The following TRAM1 variants were observed in gnomAD, a reference collection of about 807,000 sequenced individuals.
TRAM1 encodes the protein translocation associated membrane protein 1.
Under a neutral mutation model 48.7 loss-of-function variants are expected in TRAM1, and 17 were observed. That is an observed-to-expected ratio of 0.35 (90% confidence interval 0.24 to 0.52). The LOEUF is 0.52. Ranked by LOEUF, TRAM1 falls within the 20% of genes least tolerant of loss-of-function variation. TRAM1 has a pLI of 0.94. For synonymous variants in TRAM1, 182 were observed against 154.0 expected, an observed-to-expected ratio of 1.18 and a Z score of -1.34; for missense variants, 351 against 441.5, an observed-to-expected ratio of 0.79 and a Z score of 1.84.
At chr8:70,601,519 G>GT (rs1278882713) in intron 1 of TRAM1, among the ~76,000 whole-genome samples, 1 of 152,168 alleles carries the variant, frequency 6.6e-6, no homozygotes, top group Non-Finnish European at 1.5e-5. Context: ...CCATTAGAAA[G>GT]TAAGCTCCAT....
At chr8:70,588,631 C>A (rs1373609980) in intron 6 of TRAM1, among the ~76,000 whole-genome samples, 1 of 152,128 alleles carries the variant, frequency 6.6e-6, no homozygotes, top group Non-Finnish European at 1.5e-5. Flanking sequence ...GTATATAGCA[C>A]ATTGTATTAT....
At position 70,574,468 on chromosome 8, in the gene TRAM1, T is replaced by C. The variant is rs190381878; in HGVS notation, c.*464A>G. ...AAAGTCTACAAAAATTCCAAAAAAT[T>C]AGAGAACACTGAAAACATATTAAAG... On this transcript the variant is annotated 3_prime_UTR_variant, in exon 11 of 11. Coordinates refer to ENST00000262213, the MANE Select transcript of TRAM1 (RefSeq NM_014294.6). 2.4e-5 allele frequency: 5 copies of C among 212,008 alleles called. No individual in the cohort carries two copies. The highest frequency in any genetic ancestry group is 1.2e-4 in the African/African-American group (5 of 41,978). The allele number at this position is 212,008 out of a possible 1,614,324, so 13.1% of individuals were successfully genotyped here.
intron 4 of TRAM1, among the ~76,000 whole-genome samples, 178 bp from the exon 5 acceptor site, chr8:70,596,499 A>G (rs1817489828): frequency 6.6e-6 from 1 of 152,216 alleles, no homozygotes; most frequent in East Asian, 1.9e-4. Flanking sequence ...TGGTTACTTG[A>G]GCAAAATGAA....
Position 70,608,372 on chromosome 8 carries a change from G to GC in TRAM1, c.-174_-173insG. 1 of 501,744 alleles carries GC rather than the reference G, an allele frequency of 2.0e-6. No homozygotes were observed. The highest frequency in any genetic ancestry group is 7.1e-5 in the Admixed American group (1 of 14,082). 31.1% of individuals were successfully genotyped at this position (501,744 alleles called of 1,614,324 possible). On this transcript the variant is annotated 5_prime_UTR_variant, in exon 1 of 11. Coordinates refer to ENST00000262213, the MANE Select transcript of TRAM1 (RefSeq NM_014294.6). ...GTACGCAGCCGCCGGGCCGCCCGGG[G>GC]GAAAAAAAAAAACACAACAGCTAGC... is the stretch of plus-strand genomic sequence containing the variant.
intron 8 of TRAM1, among the ~76,000 whole-genome samples, chr8:70,585,590 C>A (rs1586754817): frequency 1.6e-5 from 1 of 63,970 alleles, no homozygotes. Flanking sequence ...AAAAAAACAA[C>A]CCCATCAACA....
Position 70,574,181 on chromosome 8 carries a change from CTATA to C in TRAM1, c.*747_*750del, listed in dbSNP as rs760089208. 8.0e-5 allele frequency: 32 copies of C among 399,142 alleles called. 2 individuals carry two copies. The highest frequency in any genetic ancestry group is 6.0e-4 in the South Asian group (32 of 53,310). 24.7% of individuals were successfully genotyped at this position (399,142 alleles called of 1,614,324 possible). A position where few individuals can be genotyped will look rare whatever the true frequency, so the allele number is the denominator to read the frequency against. On this transcript the variant is annotated 3_prime_UTR_variant, in exon 11 of 11. Coordinates refer to ENST00000262213, the MANE Select transcript of TRAM1 (RefSeq NM_014294.6). Reference sequence around the variant, plus strand: ...TTATTAATAAACATATCAAAAAGGGCTATATGTCAGATTTTCCTGTTCATAGTAA... The same window carrying C: ...TTATTAATAAACATATCAAAAAGGGCTGTCAGATTTTCCTGTTCATAGTAA...
chr8:70,593,400 T>TA (rs751388042), intron 6 of TRAM1, among the ~76,000 whole-genome samples: 77 of 134,062 alleles, frequency 5.7e-4, no homozygotes, highest in Non-Finnish European at 5.4e-4. Flanking sequence ...CAAAGGGGAT[T>TA]AAAAAAAAAA....
At chr8:70,597,244 T>G (rs1175136299) in intron 4 of TRAM1, among the ~76,000 whole-genome samples, 1 of 152,234 alleles carries the variant, frequency 6.6e-6, no homozygotes, top group Admixed American at 6.5e-5. Flanking sequence ...TTGCCATAAC[T>G]GAAAAGTTAT....
intron 2 of TRAM1, 145 bp downstream of exon 2, chr8:70,599,874 T>C (rs1055212271): frequency 1.5e-6 from 1 of 661,220 alleles, no homozygotes; most frequent in Non-Finnish European, 2.6e-6. Context: ...TCTTGTATTA[T>C]AAAATCATCA....
At chr8:70,589,278 C>T (rs1363419758) in intron 6 of TRAM1, among the ~76,000 whole-genome samples, 1 of 152,146 alleles carries the variant, frequency 6.6e-6, no homozygotes, top group Non-Finnish European at 1.5e-5. Context: ...ATCCTCTCTA[C>T]ATAATTTGTA....
At chr8:70,583,019 A>G (rs1817114148) in intron 10 of TRAM1, 145 bp downstream of exon 10, 8 of 898,066 alleles carry the variant, frequency 8.9e-6, no homozygotes, top group Non-Finnish European at 1.1e-5. Flanking sequence ...GGAATGCAGT[A>G]AGATTACTTT....
chr8:70,585,449 T>C (rs1817188936), intron 8 of TRAM1, among the ~76,000 whole-genome samples: 1 of 151,666 alleles, frequency 6.6e-6, no homozygotes, highest in African/African-American at 2.4e-5. Context: ...ACTAAAGAGC[T>C]CTGCACAGCA....
At chr8:70,593,518 A>G (rs1488187294) in intron 6 of TRAM1, among the ~76,000 whole-genome samples, 1 of 151,944 alleles carries the variant, frequency 6.6e-6, no homozygotes, top group East Asian at 1.9e-4. Context: ...AACTTGTTTC[A>G]TCTATATCCC....
chr8:70,584,076 T>C (rs1286213628), intron 8 of TRAM1, among the ~76,000 whole-genome samples: 1 of 152,164 alleles, frequency 6.6e-6, no homozygotes, highest in African/African-American at 2.4e-5. Flanking sequence ...CCTATTAAAA[T>C]AGCATTTCTT....
At chr8:70,586,234 C>G (rs1201689207) in intron 8 of TRAM1, among the ~76,000 whole-genome samples, 12 of 126,922 alleles carry the variant, frequency 9.5e-5, no homozygotes, top group Non-Finnish European at 1.6e-4. Flanking sequence ...GAGAACACAT[C>G]GACACAGGAG....
chr8:70,586,870 G>A lies in TRAM1; in HGVS notation c.746+25C>T, dbSNP rs781580368. ...CTGACTTTAAATACCTAGTACACGA[G>A]AAATAGAATGGCTAAACAACTTACC... is the stretch of plus-strand genomic sequence containing the variant. On this transcript the variant is annotated intron_variant, in intron 8 of 10. Coordinates refer to ENST00000262213, the MANE Select transcript of TRAM1 (RefSeq NM_014294.6). 4 of 1,593,082 alleles carry A rather than the reference G, an allele frequency of 2.5e-6. No homozygotes were observed. The Admixed American group carries it at 6.7e-5, about 27-fold the overall frequency.
At chr8:70,606,959 T>A in intron 1 of TRAM1, 1 of 979,258 alleles carries the variant, frequency 1.0e-6, no homozygotes, top group Non-Finnish European at 1.2e-6. Context: ...CACTCCTATG[T>A]CCCAGGCACT....
At chr8:70,582,673 C>T (rs905399197) in intron 10 of TRAM1, among the ~76,000 whole-genome samples, 2 of 151,738 alleles carry the variant, frequency 1.3e-5, no homozygotes, top group African/African-American at 2.4e-5. Flanking sequence ...ACTGTAATAT[C>T]GATGCATTTT....
intron 2 of TRAM1, among the ~76,000 whole-genome samples, chr8:70,598,711 A>G (rs1261092240): frequency 1.3e-5 from 2 of 152,226 alleles, no homozygotes; most frequent in African/African-American, 4.8e-5. Flanking sequence ...GTTTTGATCT[A>G]TAAGCAGCAG....
Sources: gnomAD v4.1 joint callset for allele counts (sites outside exome capture counted in the v4.1 genomes callset) on GRCh38, gnomAD v4.1.1 for gene constraint, MANE v1.5 for transcripts, NCBI Gene and HGNC (gene_info 2026-07-23, HGNC 2026-07-21) for gene names.